ZDHHC13: variants seen among roughly 807,000 people sequenced by gnomAD.
ZDHHC13 encodes palmitoyltransferase ZDHHC13.
ZDHHC13 carries 85 observed loss-of-function variants against 86.0 expected under a neutral mutation model. The observed-to-expected ratio is 0.99, with a 90% CI of 0.83 to 1.18. ZDHHC13 has a LOEUF of 1.18. Among genes scored for constraint, ZDHHC13 ranks in the 50% most tolerant of loss-of-function variants. The probability of loss-of-function intolerance (pLI) is 0.00; values close to 1 mark genes in which losing one functional copy is unlikely to be tolerated. For synonymous variants in ZDHHC13, 263 were observed against 246.4 expected (o/e 1.07, Z -0.63); for missense variants, 711 against 730.2 (o/e 0.97, Z 0.30).
Position 19,149,907 on chromosome 11 carries a change from C to T in ZDHHC13, c.519+576C>T, listed in dbSNP as rs77219756. Among the ~76,000 whole-genome samples, 212 of 152,290 alleles carry T rather than the reference C, an allele frequency of 1.4e-3. 1 individual carries two copies. In the East Asian group the frequency reaches 0.037, roughly 26 times the overall value. ...GACTTGCCTGTAAAAGGCATGAAAA[C>T]GTGTTTGCACAAATGCTGTTGGAAT... On this transcript the variant is annotated intron_variant, in intron 5 of 16. Transcript: ENST00000446113.
chr11:19,144,633 A>G (rs1849409103), intron 2 of ZDHHC13, among the ~76,000 whole-genome samples: 1 of 152,054 alleles, frequency 6.6e-6, no homozygotes, highest in African/African-American at 2.4e-5. Flanking sequence ...AAAAAGACAC[A>G]CACACGCACA....
At chr11:19,118,250 T>C (rs1477223931) in intron 1 of ZDHHC13, among the ~76,000 whole-genome samples, 1 of 152,250 alleles carries the variant, frequency 6.6e-6, no homozygotes, top group East Asian at 1.9e-4. Flanking sequence ...ATGATTGGAT[T>C]ACCTGATCTC....
At chr11:19,125,976 C>G (rs1163267956) in intron 1 of ZDHHC13, among the ~76,000 whole-genome samples, 1 of 151,988 alleles carries the variant, frequency 6.6e-6, no homozygotes, top group Non-Finnish European at 1.5e-5. Context: ...TTACGTGACT[C>G]CATACATACA....
In ZDHHC13 at chr11:19,176,080, A is replaced by T. The variant is rs925977513; in HGVS notation, c.*120A>T. On this transcript the variant is annotated 3_prime_UTR_variant, in exon 17 of 17. Coordinates refer to ENST00000446113, the MANE Select transcript of ZDHHC13 (RefSeq NM_019028.3). ...GTCCAAAGGAAAACACGTGGTTTTT[A>T]AAGCCATTAGGTAAAAAAAGTTCTC... 2.6e-5 allele frequency: 29 copies of T among 1,124,484 alleles called. No individual in the cohort carries two copies. In the South Asian group the frequency reaches 7.6e-4, roughly 29 times the overall value. The allele number at this position is 1,124,484 out of a possible 1,614,324, so 69.7% of individuals were successfully genotyped here.
chr11:19,151,383 A>G (rs2133427083), intron 6 of ZDHHC13, among the ~76,000 whole-genome samples: 1 of 152,078 alleles, frequency 6.6e-6, no homozygotes, highest in East Asian at 1.9e-4. Context: ...TCACTTTAGC[A>G]GTTTGTTTCT....
Position 19,146,171 on chromosome 11 carries a change from CTTCT to C in ZDHHC13, c.174-7_174-4del, listed in dbSNP as rs1849459231. ...TTGTATCAATTATGCTTTTTTTTTT[CTTCT>C]TTGAGATACGGAATTTTTGAACGAT... is the stretch of plus-strand genomic sequence containing the variant. On this transcript the variant is annotated splice_polypyrimidine_tract_variant and splice_region_variant and intron_variant, in intron 2 of 16. Coordinates refer to ENST00000446113, the MANE Select transcript of ZDHHC13 (RefSeq NM_019028.3). 1 of 1,494,272 alleles carries C rather than the reference CTTCT, an allele frequency of 6.7e-7. No homozygotes were observed. 92.6% of individuals were successfully genotyped at this position (1,494,272 alleles called of 1,614,324 possible).
intron 1 of ZDHHC13, among the ~76,000 whole-genome samples, chr11:19,140,321 A>C (rs1174317592): frequency 6.6e-6 from 1 of 152,240 alleles, no homozygotes; most frequent in African/African-American, 2.4e-5. Flanking sequence ...AAAAATGCTC[A>C]CCATCACTGG....
intron 1 of ZDHHC13, among the ~76,000 whole-genome samples, chr11:19,133,694 C>G (rs1849054936): frequency 1.3e-5 from 2 of 151,646 alleles, no homozygotes; most frequent in South Asian, 4.2e-4. Context: ...TAAAGCTGAA[C>G]TGTACTTTTT....
Position 19,159,997 on chromosome 11 carries a change from A to G in ZDHHC13, c.1108+957A>G, listed in dbSNP as rs74438118. ...AATATACCTTTCAGTGTGTTCATTTAAACTTCCACATTACTTCTCTTTCTG... is the reference window on the plus strand; with the variant it reads ...AATATACCTTTCAGTGTGTTCATTTGAACTTCCACATTACTTCTCTTTCTG... On this transcript the variant is annotated intron_variant, in intron 10 of 16. Transcript: ENST00000446113. Among the ~76,000 whole-genome samples, 1,066 of 152,136 alleles carry G rather than the reference A, an allele frequency of 7.0e-3. 24 individuals carry two copies. The highest frequency in any genetic ancestry group is 0.024 in the African/African-American group (1,006 of 41,382).
chr11:19,175,419 G>GAAATT (rs1373727102), intron 16 of ZDHHC13, among the ~76,000 whole-genome samples: 2 of 51,184 alleles, frequency 3.9e-5, no homozygotes, highest in East Asian at 7.4e-4. Context: ...AAAAAAAAAG[G>GAAATT]TTTAGGGAAA....
At chr11:19,132,437 A>G (rs545599082) in intron 1 of ZDHHC13, among the ~76,000 whole-genome samples, 2 of 151,832 alleles carry the variant, frequency 1.3e-5, no homozygotes, top group South Asian at 4.2e-4. Context: ...CTACGTATAA[A>G]CTCCAGTAAT....
At chr11:19,125,794 A>T (rs1848861232) in intron 1 of ZDHHC13, among the ~76,000 whole-genome samples, 1 of 152,210 alleles carries the variant, frequency 6.6e-6, no homozygotes, top group African/African-American at 2.4e-5. Context: ...AACTTGGTTA[A>T]ATCTCAGCAC....
chr11:19,169,291 T>TA, intron 14 of ZDHHC13: 1 of 985,480 alleles, frequency 1.0e-6, no homozygotes, highest in Non-Finnish European at 1.2e-6. Flanking sequence ...TTTGCCATCC[T>TA]AATGAGATGC....
At position 19,146,280 on chromosome 11, in the gene ZDHHC13, TAAC is replaced by T. The variant is rs1849462297; in HGVS notation, c.278_280del (p.Asn93del). On this transcript the variant is annotated inframe_deletion, in exon 3 of 17. Transcript: ENST00000446113. ...TGTCGCTTCTTCATTGGGCTGCTAT[TAAC>T]AACAGACTGGATCTTGTAAAGTAAG... The T allele has an allele frequency of 3.1e-6, 5 of 1,613,406 alleles. No homozygotes were observed. Among genetic ancestry groups the T allele is most frequent in the Non-Finnish European group, 4.2e-6 (5 of 1,179,630 alleles).
chr11:19,166,520 T>G, intron 14 of ZDHHC13, 135 bp downstream of exon 14: 1 of 608,660 alleles, frequency 1.6e-6, no homozygotes, highest in South Asian at 2.4e-5. Flanking sequence ...CAAATGCCTC[T>G]AAGACTCCCT....
At chr11:19,174,928 G>A (rs1256797129) in intron 16 of ZDHHC13, among the ~76,000 whole-genome samples, 1 of 152,214 alleles carries the variant, frequency 6.6e-6, no homozygotes, top group East Asian at 1.9e-4. Context: ...AATACAAAGA[G>A]GAGGAATGTT....
chr11:19,141,723 A>C (rs1218163147), intron 1 of ZDHHC13, among the ~76,000 whole-genome samples: 1 of 147,202 alleles, frequency 6.8e-6, no homozygotes, highest in East Asian at 2.0e-4. Context: ...GTTTTCTGCT[A>C]AGGTCTAAGC....
chr11:19,138,827 A>G (rs1264601735), intron 1 of ZDHHC13, among the ~76,000 whole-genome samples: 1 of 152,136 alleles, frequency 6.6e-6, no homozygotes, highest in Non-Finnish European at 1.5e-5. Context: ...TGATTATCTC[A>G]ATAGATGCAG....
intron 1 of ZDHHC13, among the ~76,000 whole-genome samples, chr11:19,119,633 C>T (rs947096913): frequency 1.3e-5 from 2 of 152,234 alleles, no homozygotes; most frequent in Admixed American, 1.3e-4. Context: ...CACTCCCTGG[C>T]CTCCTTCCTT....
Sources: gnomAD v4.1 joint callset for allele counts (sites outside exome capture counted in the v4.1 genomes callset) on GRCh38, gnomAD v4.1.1 for gene constraint, MANE v1.5 for transcripts, NCBI Gene and HGNC (gene_info 2026-07-23, HGNC 2026-07-21) for gene names.